OR3A2: variants seen among roughly 807,000 people sequenced by gnomAD.
OR3A2 encodes the protein olfactory receptor family 3 subfamily A member 2.
For missense variants in OR3A2, 318 were observed against 392.8 expected (o/e 0.81, Z 1.61); for synonymous variants, 126 against 159.3 (o/e 0.79, Z 1.57).
chr17:3,331,082 G>C (rs979055882), intron 3 of OR3A2, among the ~76,000 whole-genome samples: 2 of 152,176 alleles, frequency 1.3e-5, no homozygotes, highest in Non-Finnish European at 2.9e-5. Context: ...CGAGAGATCA[G>C]CTGTTAGTCT....
chr17:3,301,639 G>T (rs1261342213), intron 3 of OR3A2, among the ~76,000 whole-genome samples: 2 of 152,122 alleles, frequency 1.3e-5, no homozygotes, highest in African/African-American at 4.8e-5. Context: ...CCATTCTGTA[G>T]GTTGCCTGTT....
At chr17:3,368,817 T>C (rs561713193) in intron 2 of OR3A2, among the ~76,000 whole-genome samples, 2 of 152,330 alleles carry the variant, frequency 1.3e-5, no homozygotes, top group East Asian at 1.9e-4. Context: ...ATTTGTAGAT[T>C]GCTTTTAGTG....
intron 2 of OR3A2, among the ~76,000 whole-genome samples, chr17:3,371,827 A>C (rs1451180393): frequency 2.7e-4 from 23 of 84,364 alleles, no homozygotes; most frequent in South Asian, 1.4e-3. Flanking sequence ...CGGGGGGCTG[A>C]CCTCCCCACC....
chr17:3,335,065 T>C (rs941941545), intron 3 of OR3A2, among the ~76,000 whole-genome samples: 3 of 152,192 alleles, frequency 2.0e-5, no homozygotes, highest in African/African-American at 4.8e-5. Flanking sequence ...TTGCCTTTTC[T>C]GCTTATGAGT....
chr17:3,282,089 T>A (rs1567540814), intron 1 of OR3A2, among the ~76,000 whole-genome samples: 1 of 152,150 alleles, frequency 6.6e-6, no homozygotes, highest in Non-Finnish European at 1.5e-5. Context: ...TCCAGCCACT[T>A]CCACAAAGAC....
intron 3 of OR3A2, among the ~76,000 whole-genome samples, chr17:3,325,203 A>ATTTTTTTT (rs61124691): frequency 3.7e-5 from 4 of 108,614 alleles, no homozygotes; most frequent in African/African-American, 7.3e-5. Context: ...GATCCTTCCA[A>ATTTTTTTT]TTTTTTTTTT....
rs1390283678 is a variant in OR3A2, at chr17:3,332,586, C to T, written c.-85+3447G>A. On this transcript the variant is annotated intron_variant, in intron 3 of 4. Transcript: ENST00000573491. ...GCGCACGGTGTGCACACCCACTGACCTGCGCCCACTGTCTGGCACTCCCTA... is the reference window on the plus strand; with the variant it reads ...GCGCACGGTGTGCACACCCACTGACTTGCGCCCACTGTCTGGCACTCCCTA... Among the ~76,000 whole-genome samples, 4 of 152,220 alleles carry T rather than the reference C, an allele frequency of 2.6e-5. No individual in the cohort carries two copies. In the East Asian group the frequency reaches 7.7e-4, roughly 29 times the overall value.
At chr17:3,322,819 GGT>G (rs1236225575) in intron 3 of OR3A2, among the ~76,000 whole-genome samples, 1 of 152,110 alleles carries the variant, frequency 6.6e-6, no homozygotes, top group East Asian at 1.9e-4. Flanking sequence ...GAATAGGTGT[GGT>G]GTGTTTCTGA....
At chr17:3,332,416 T>C (rs439984) in intron 3 of OR3A2, among the ~76,000 whole-genome samples, 102,195 of 152,088 alleles carry the variant, frequency 0.67, 35,530 homozygotes, top group East Asian at 1. Flanking sequence ...TCTCATGGTG[T>C]GCTGCAGTCC....
intron 2 of OR3A2, among the ~76,000 whole-genome samples, chr17:3,378,459 C>A (rs568946935): frequency 6.6e-6 from 1 of 152,318 alleles, no homozygotes; most frequent in East Asian, 1.9e-4. Context: ...CCCGTGGGGG[C>A]AGGGGGCTTC....
At chr17:3,334,812 T>C (rs2049265745) in intron 3 of OR3A2, among the ~76,000 whole-genome samples, 1 of 152,232 alleles carries the variant, frequency 6.6e-6, no homozygotes. Context: ...TTTTAAAAAT[T>C]AGAGTTTCTG....
At chr17:3,310,301 G>C (rs760213537) in intron 3 of OR3A2, 6 of 529,520 alleles carry the variant, frequency 1.1e-5, no homozygotes, top group South Asian at 5.7e-5. Flanking sequence ...ACTGCTAGTG[G>C]AAGACAGCCA....
intron 2 of OR3A2, among the ~76,000 whole-genome samples, chr17:3,359,089 T>G (rs573938408): frequency 6.6e-6 from 1 of 151,978 alleles, no homozygotes; most frequent in African/African-American, 2.4e-5. Flanking sequence ...TGTCTGAAAT[T>G]AGGATTGCAA....
chr17:3,335,557 C>A (rs1597347066), intron 3 of OR3A2, among the ~76,000 whole-genome samples: 1 of 152,040 alleles, frequency 6.6e-6, no homozygotes, highest in African/African-American at 2.4e-5. Flanking sequence ...TGATCTGCAT[C>A]TTCCATTCCA....
chr17:3,337,488 T>C (rs1196951291), intron 2 of OR3A2, among the ~76,000 whole-genome samples: 1 of 151,864 alleles, frequency 6.6e-6, no homozygotes, highest in Non-Finnish European at 1.5e-5. Context: ...AGTGTTCTCA[T>C]TGTTCATTTC....
intron 2 of OR3A2, among the ~76,000 whole-genome samples, chr17:3,358,807 G>C (rs1359504198): frequency 1.3e-5 from 2 of 151,710 alleles, no homozygotes; most frequent in African/African-American, 2.4e-5. Context: ...ATTTGTTCCA[G>C]TGTTGAGTTT....
Position 3,300,275 on chromosome 17 carries a change from G to A in OR3A2, c.-84-21122C>T, listed in dbSNP as rs141632923. ...GCAAATGTAAATTAAAATCACAATG[G>A]AGGCTGGGAGCAGTGGCTTACGCCT... is the stretch of plus-strand genomic sequence containing the variant. On this transcript the variant is annotated intron_variant, in intron 3 of 4. Transcript: ENST00000573491. Among the ~76,000 whole-genome samples, 628 of 152,170 alleles carry A rather than the reference G, an allele frequency of 4.1e-3. 2 individuals carry two copies. The highest frequency in any genetic ancestry group is 6.3e-3 in the Non-Finnish European group (429 of 68,010).
chr17:3,336,993 C>A (rs1423128118), intron 2 of OR3A2, among the ~76,000 whole-genome samples: 1 of 152,146 alleles, frequency 6.6e-6, no homozygotes, highest in East Asian at 1.9e-4. Context: ...AAAAGATTCA[C>A]CCTAGGTGAG....
chr17:3,339,611 C>G (rs1193492888), intron 2 of OR3A2, among the ~76,000 whole-genome samples: 1 of 151,952 alleles, frequency 6.6e-6, no homozygotes, highest in Non-Finnish European at 1.5e-5. Flanking sequence ...GCCTTGCATC[C>G]CAGGGATGAA....
Sources: gnomAD v4.1 joint callset for allele counts (sites outside exome capture counted in the v4.1 genomes callset) on GRCh38, gnomAD v4.1.1 for gene constraint, MANE v1.5 for transcripts, NCBI Gene and HGNC (gene_info 2026-07-23, HGNC 2026-07-21) for gene names.